The following ALK variants were observed in gnomAD, a reference collection of about 807,000 sequenced individuals.
ALK encodes the protein ALK receptor tyrosine kinase.
Under a neutral mutation model 163.1 loss-of-function variants are expected in ALK, and 74 were observed. The ratio of observed to expected loss-of-function variants is 0.45; its 90% CI spans 0.38 to 0.55. The LOEUF is 0.55. Ranked by LOEUF, ALK falls within the 20% of genes least tolerant of loss-of-function variation. ALK has a pLI of 0.00. For synonymous variants in ALK, 960 were observed against 843.2 expected (o/e 1.14, Z -2.40); for missense variants, 2,063 against 2,105.3 (o/e 0.98, Z 0.39).
At chr2:29,494,882 A>C (rs1324528718) in intron 4 of ALK, among the ~76,000 whole-genome samples, 1 of 132,548 alleles carries the variant, frequency 7.5e-6, no homozygotes, top group African/African-American at 3.0e-5. Flanking sequence ...GTGTGCATGC[A>C]TGTGTATGCT....
chr2:29,589,563 A>C (rs4630725), intron 3 of ALK, among the ~76,000 whole-genome samples: 1 of 152,040 alleles, frequency 6.6e-6, no homozygotes, highest in South Asian at 2.1e-4. Flanking sequence ...TTTGGGTCCC[A>C]AAATTTGCAG....
At chr2:29,215,013 A>G (rs1274072067) in intron 23 of ALK, among the ~76,000 whole-genome samples, 1 of 152,144 alleles carries the variant, frequency 6.6e-6, no homozygotes, top group East Asian at 1.9e-4. Context: ...TACCTGGAGG[A>G]GTATGATTCA....
chr2:29,785,912 T>TACACAC (rs10524599), intron 1 of ALK, among the ~76,000 whole-genome samples: 102 of 146,728 alleles, frequency 7.0e-4, no homozygotes, highest in South Asian at 4.4e-3. Flanking sequence ...TTTTTGAGTA[T>TACACAC]ACACACACAC....
At chr2:29,704,554 C>T (rs902913878) in intron 2 of ALK, among the ~76,000 whole-genome samples, 7 of 152,128 alleles carry the variant, frequency 4.6e-5, no homozygotes, top group Non-Finnish European at 1.0e-4. Flanking sequence ...CTGAAAAATC[C>T]TATTTTTTTC....
chr2:29,884,737 G>A (rs551162081), intron 1 of ALK, among the ~76,000 whole-genome samples: 16 of 152,228 alleles, frequency 1.1e-4, no homozygotes, highest in Non-Finnish European at 1.9e-4. Flanking sequence ...AAAAAGTTTG[G>A]GTTATAAAAA....
chr2:29,857,636 A>G (rs11688944), intron 1 of ALK, among the ~76,000 whole-genome samples: 109,065 of 152,102 alleles, frequency 0.72, 39,641 homozygotes, highest in Non-Finnish European at 0.78. Flanking sequence ...TGTCAACAAA[A>G]TCATGCATGT....
rs75159478 is a variant in ALK at position 29,709,564 on chromosome 2, C to T, written c.787+8014G>A. On this transcript the variant is annotated intron_variant, in intron 2 of 28. Transcript: ENST00000389048. ...GCTTAACGTCTAGGAAGAGTGATAA[C>T]GCAGGACCACAAATAACTAAGACAC... 1.1e-3 allele frequency among the ~76,000 whole-genome samples: 170 copies of T among 152,216 alleles called. 1 individual carries two copies. The highest frequency in any genetic ancestry group is 3.2e-3 in the African/African-American group (131 of 41,516).
At chr2:29,865,724 T>G (rs560648794) in intron 1 of ALK, among the ~76,000 whole-genome samples, 2 of 152,170 alleles carry the variant, frequency 1.3e-5, no homozygotes, top group African/African-American at 4.8e-5. Flanking sequence ...ACAAGGAAAC[T>G]GAAAGTTGAA....
intron 3 of ALK, among the ~76,000 whole-genome samples, chr2:29,547,632 A>G (rs1275697948): frequency 6.6e-6 from 1 of 152,198 alleles, no homozygotes; most frequent in Non-Finnish European, 1.5e-5. Flanking sequence ...AATATGATCT[A>G]TAAGAAAGGC....
chr2:29,717,204 A>T (rs1460026733), intron 2 of ALK, among the ~76,000 whole-genome samples: 1 of 148,850 alleles, frequency 6.7e-6, no homozygotes, highest in Admixed American at 6.7e-5. Context: ...AGAGAGAGAG[A>T]TTGTGATTGC....
At chr2:29,374,505 A>T (rs1668708687) in intron 5 of ALK, among the ~76,000 whole-genome samples, 1 of 152,198 alleles carries the variant, frequency 6.6e-6, no homozygotes, top group Admixed American at 6.5e-5. Flanking sequence ...GATTTTAGGA[A>T]CTTAGCATCT....
chr2:29,270,945 C>G (rs1665368251), intron 11 of ALK, among the ~76,000 whole-genome samples: 1 of 152,172 alleles, frequency 6.6e-6, no homozygotes. Context: ...TTGGCTTCCT[C>G]CCTGTCCCCA....
intron 5 of ALK, among the ~76,000 whole-genome samples, chr2:29,361,779 T>C (rs1573281510): frequency 6.6e-6 from 1 of 152,234 alleles, no homozygotes; most frequent in African/African-American, 2.4e-5. Context: ...TCCTTGTATA[T>C]TGTGGCCTAT....
At chr2:29,813,651 CA>C (rs1664815658) in intron 1 of ALK, among the ~76,000 whole-genome samples, 1 of 152,184 alleles carries the variant, frequency 6.6e-6, no homozygotes, top group Admixed American at 6.5e-5. Flanking sequence ...CTGCCTTGCA[CA>C]AATAATGGCC....
At position 29,410,622 on chromosome 2, in the gene ALK, GT is replaced by G. The variant is rs556223733; in HGVS notation, c.1155-26764del. 4.3e-3 allele frequency among the ~76,000 whole-genome samples: 656 copies of G among 152,304 alleles called. 5 individuals are homozygous for G. Among genetic ancestry groups the G allele is most frequent in the South Asian group, 0.019 (91 of 4,828 alleles). On this transcript the variant is annotated intron_variant, in intron 4 of 28. Transcript: ENST00000389048. Reference sequence around the variant, plus strand: ...CCTAGGTGGCAAACATCTACAGCATGTTACTGTACTGAATACTGTAGGCAAA... The same window carrying G: ...CCTAGGTGGCAAACATCTACAGCATGTACTGTACTGAATACTGTAGGCAAA...
chr2:29,623,824 A>T (rs1272097237), intron 3 of ALK, among the ~76,000 whole-genome samples: 1 of 152,258 alleles, frequency 6.6e-6, no homozygotes, highest in African/African-American at 2.4e-5. Flanking sequence ...TTTATAACAG[A>T]ACAATATTTG....
At chr2:29,434,119 A>C (rs1203010225) in intron 4 of ALK, among the ~76,000 whole-genome samples, 1 of 152,144 alleles carries the variant, frequency 6.6e-6, no homozygotes, top group Non-Finnish European at 1.5e-5. Flanking sequence ...CACCACTTGC[A>C]CCTGTACCAG....
At chr2:29,562,215 T>A (rs1056926053) in intron 3 of ALK, among the ~76,000 whole-genome samples, 1 of 152,220 alleles carries the variant, frequency 6.6e-6, no homozygotes, top group Non-Finnish European at 1.5e-5. Flanking sequence ...TTGTTAGACA[T>A]GTCTTTCCCA....
intron 1 of ALK, among the ~76,000 whole-genome samples, chr2:29,825,259 A>G (rs1665165452): frequency 6.6e-6 from 1 of 152,222 alleles, no homozygotes; most frequent in African/African-American, 2.4e-5. Context: ...AAAATAGACT[A>G]ATACATCTGC....
Sources: gnomAD v4.1 joint callset for allele counts (sites outside exome capture counted in the v4.1 genomes callset) on GRCh38, gnomAD v4.1.1 for gene constraint, MANE v1.5 for transcripts, NCBI Gene and HGNC (gene_info 2026-07-23, HGNC 2026-07-21) for gene names.